Variants in CTRC observed in about 807,000 individuals in gnomAD.
CTRC encodes chymotrypsin C.
Under a neutral mutation model 35.7 loss-of-function variants are expected in CTRC, and 32 were observed. The ratio of observed to expected loss-of-function variants is 0.90; its 90% CI spans 0.68 to 1.20. The LOEUF (loss-of-function observed/expected upper bound fraction) is 1.20, where lower values mean the gene tolerates loss of function less well. CTRC is among the 50% of genes most tolerant of loss of function. CTRC has a pLI of 0.00. For missense variants in CTRC, 324 were observed against 361.5 expected, an observed-to-expected ratio of 0.90 and a Z score of 0.84; for synonymous variants, 119 against 149.5, an observed-to-expected ratio of 0.80 and a Z score of 1.49.
intron 5 of CTRC, among the ~76,000 whole-genome samples, chr1:15,444,382 AG>A (rs1311739435): frequency 6.6e-6 from 1 of 152,204 alleles, no homozygotes; most frequent in Non-Finnish European, 1.5e-5. Flanking sequence ...TCCAACTTAA[AG>A]ACAACTCAAC....
intron 6 of CTRC, among the ~76,000 whole-genome samples, chr1:15,445,040 C>T (rs777294934): frequency 1.3e-5 from 2 of 152,156 alleles, no homozygotes; most frequent in Admixed American, 6.5e-5. Flanking sequence ...AATGGAGTTA[C>T]AGTAACCACT....
At chr1:15,444,295 G>A (rs1708181429) in intron 5 of CTRC, among the ~76,000 whole-genome samples, 1 of 152,026 alleles carries the variant, frequency 6.6e-6, no homozygotes, top group African/African-American at 2.4e-5. Context: ...AAAATCTTGG[G>A]GGTGAGAAAG....
chr1:15,446,342 G>T (rs1570787410), intron 7 of CTRC, among the ~76,000 whole-genome samples: 1 of 152,370 alleles, frequency 6.6e-6, no homozygotes, highest in Middle Eastern at 3.4e-3. Flanking sequence ...GGAACAGAGG[G>T]TCACCCTGGG....
intron 1 of CTRC, 96 bp downstream of exon 1, chr1:15,438,600 C>A: frequency 7.1e-7 from 1 of 1,404,152 alleles, no homozygotes; most frequent in Non-Finnish European, 1.0e-6. Context: ...CTCTGCTCTC[C>A]AGGTAAGACA....
At chr1:15,442,673 C>T (rs1708154306) in intron 4 of CTRC, 101 bp downstream of exon 4, 1 of 1,503,546 alleles carries the variant, frequency 6.7e-7, no homozygotes, top group Admixed American at 1.7e-5. Context: ...TACCTGACAC[C>T]CCATCCTCAC....
At chr1:15,440,434 C>T (rs201904257) in intron 2 of CTRC, 43 bp downstream of exon 2, 41 of 1,611,348 alleles carry the variant, frequency 2.5e-5, no homozygotes, top group South Asian at 2.0e-4. Flanking sequence ...GAGAGGGTGG[C>T]GGGGTGAGGG....
chr1:15,439,707 C>T (rs1708095480), intron 1 of CTRC, among the ~76,000 whole-genome samples: 1 of 152,142 alleles, frequency 6.6e-6, no homozygotes, highest in Admixed American at 6.5e-5. Flanking sequence ...ACAGGTGTAC[C>T]GGGCACTCGC....
Position 15,442,502 on chromosome 1 carries a change from G to T in CTRC, c.286G>T (p.Glu96Ter). ...VGKNNLEVED[E>*]EGSLFVGVDT... ...AAAGAACAACCTGGAGGTGGAAGAC[G>T]AAGAAGGATCCCTGTTTGTGGGTGT... The change falls in exon 4 of 8, where the codon GAA becomes TAA. Residue 96 changes from glutamate to a stop codon, truncating the protein, a stop_gained. Coordinates refer to ENST00000375949, the MANE Select transcript of CTRC (RefSeq NM_007272.3). LOFTEE classifies it high-confidence loss of function. 4 of 1,614,152 alleles carry T rather than the reference G, an allele frequency of 2.5e-6. No individual in the cohort carries two copies. The highest frequency in any genetic ancestry group is 3.4e-6 in the Non-Finnish European group (4 of 1,180,024).
chr1:15,439,761 G>A (rs1188077139), intron 1 of CTRC, among the ~76,000 whole-genome samples: 1 of 152,126 alleles, frequency 6.6e-6, no homozygotes, highest in Non-Finnish European at 1.5e-5. Context: ...TGTTTTTTGA[G>A]ATGGAGTTTT....
chr1:15,442,114 TTAGA>T (rs1708142904), intron 3 of CTRC, among the ~76,000 whole-genome samples: 2 of 152,032 alleles, frequency 1.3e-5, no homozygotes, highest in African/African-American at 4.8e-5. Context: ...TGAGAGATAG[TTAGA>T]TGGATGCCGC....
chr1:15,442,130 A>G (rs114513509), intron 3 of CTRC, among the ~76,000 whole-genome samples: 341 of 152,304 alleles, frequency 2.2e-3, no homozygotes, highest in African/African-American at 7.7e-3. Flanking sequence ...GGATGCCGCA[A>G]CTGTGCAGGC....
intron 6 of CTRC, among the ~76,000 whole-genome samples, 170 bp from the exon 7 acceptor site, chr1:15,445,427 C>T (rs770095484): frequency 2.6e-5 from 4 of 152,180 alleles, no homozygotes; most frequent in Non-Finnish European, 5.9e-5. Flanking sequence ...CCAAGGCAGC[C>T]GCAAACCACA....
chr1:15,446,441 A>T, intron 7 of CTRC, 134 bp from the exon 8 acceptor site: 1 of 868,854 alleles, frequency 1.2e-6, no homozygotes, highest in Non-Finnish European at 2.0e-6. Context: ...CCCCTTGAAC[A>T]GGGACAAGGC....
rs1435648587 is a variant in CTRC, at chr1:15,446,755, C to T, written c.*166C>T. 46 of 800,838 alleles carry T rather than the reference C, an allele frequency of 5.7e-5. No homozygotes were observed. Among genetic ancestry groups the T allele is most frequent in the Non-Finnish European group, 9.6e-5 (45 of 468,692 alleles). The allele number at this position is 800,838 out of a possible 1,614,324, so 49.6% of individuals were successfully genotyped here. A position where few individuals can be genotyped will look rare whatever the true frequency, so the allele number is the denominator to read the frequency against. On this transcript the variant is annotated 3_prime_UTR_variant, in exon 8 of 8. Coordinates refer to ENST00000375949, the MANE Select transcript of CTRC (RefSeq NM_007272.3). ...AAGAGAGACCCCACTCAGCCAGTTT[C>T]CCCCACCCTGCATTAGACAGGTGGG...
chr1:15,445,357 C>T (rs1011634385), intron 6 of CTRC, among the ~76,000 whole-genome samples: 2 of 152,156 alleles, frequency 1.3e-5, no homozygotes. Flanking sequence ...TTAACATCAT[C>T]CCAAGATCAC....
chr1:15,442,218 G>A (rs1708144722), intron 3 of CTRC, among the ~76,000 whole-genome samples: 1 of 152,148 alleles, frequency 6.6e-6, no homozygotes, highest in South Asian at 2.1e-4. Flanking sequence ...CCCCCTTACA[G>A]ATGAGGGAAC....
In CTRC at chr1:15,443,575, A is replaced by G; in HGVS notation, c.493+20A>G. 1 of 1,614,188 alleles carries G rather than the reference A, an allele frequency of 6.2e-7. No homozygotes were observed. Among genetic ancestry groups the G allele is most frequent in the Non-Finnish European group, 8.5e-7 (1 of 1,180,044 alleles). On this transcript the variant is annotated intron_variant, in intron 5 of 7. Coordinates refer to ENST00000375949, the MANE Select transcript of CTRC (RefSeq NM_007272.3). ...TCTGGAGTGAGTATCGTCCCTGGCA[A>G]ATCCTGAGAGCCTTCCTGAAGGAAG... is the stretch of plus-strand genomic sequence containing the variant.
chr1:15,444,946 G>A (rs1284561312), intron 6 of CTRC, among the ~76,000 whole-genome samples, 195 bp downstream of exon 6: 1 of 152,154 alleles, frequency 6.6e-6, no homozygotes, highest in East Asian at 1.9e-4. Context: ...GAGTATCTGA[G>A]TTCAAGCCCC....
At position 15,446,618 on chromosome 1, in the gene CTRC, C is replaced by T. The variant is rs372631918; in HGVS notation, c.*29C>T. ...GTTGCTGGGAGCGGCGGCAGCGAGT[C>T]CCTGCAACAGCAATAAACTTCCTTC... is the stretch of plus-strand genomic sequence containing the variant. On this transcript the variant is annotated 3_prime_UTR_variant, in exon 8 of 8. Coordinates refer to ENST00000375949, the MANE Select transcript of CTRC (RefSeq NM_007272.3). 6 of 1,613,874 alleles carry T rather than the reference C, an allele frequency of 3.7e-6. No individual in the cohort carries two copies. In the African/African-American group the frequency reaches 6.7e-5, roughly 18 times the overall value.
Sources: allele counts gnomAD v4.1 joint callset (sites outside exome capture counted in the v4.1 genomes callset), GRCh38; gene constraint gnomAD v4.1.1; transcripts MANE v1.5; gene names NCBI Gene and HGNC (gene_info 2026-07-23, HGNC 2026-07-21).